Variants in OTUD4 observed in about 807,000 individuals in gnomAD.
OTUD4 encodes the protein OTU deubiquitinase 4.
A neutral mutation model predicts 130.4 loss-of-function variants in OTUD4; 24 were observed. The ratio of observed to expected loss-of-function variants is 0.18; its 90% confidence interval spans 0.13 to 0.26. OTUD4 has a LOEUF of 0.26. Ranked by LOEUF, OTUD4 falls within the 10% of genes least tolerant of loss-of-function variation. The pLI is 1.00. For synonymous variants in OTUD4, 420 were observed against 472.5 expected, an observed-to-expected ratio of 0.89 and a Z score of 1.44; for missense variants, 1,031 against 1,329.4, an observed-to-expected ratio of 0.78 and a Z score of 3.49.
Position 145,139,975 on chromosome 4 carries a change from T to A in OTUD4, c.2100A>T (p.Arg700=). ...CCTTCACACCAAGATTGAAGAAGAA[T>A]CGAAGAATATTCTTATCTAAAAATA... ...EDLPKDKNIL[R]FFFNLGVKAY... The change falls in exon 20 of 21, where the codon CGA becomes CGT. Residue 700 remains arginine, a synonymous_variant. Coordinates refer to ENST00000447906, the MANE Select transcript of OTUD4 (RefSeq NM_001366057.1). The A allele has an allele frequency of 1.2e-6, 1 of 820,614 alleles. No homozygotes were observed. Among genetic ancestry groups the A allele is most frequent in the African/African-American group, 1.7e-5 (1 of 57,490 alleles). 50.8% of individuals were successfully genotyped at this position (820,614 alleles called of 1,614,324 possible). A position where few individuals can be genotyped will look rare whatever the true frequency, so the allele number is the denominator to read the frequency against.
rs555856933 is a variant in OTUD4, at chr4:145,140,585, T to G, written c.2084-594A>C. Reference sequence around the variant, plus strand: ...GAGGGAGGTGTAAATTCCTTAAAAATAAAGAGGGAAAGCAAACTTTGAAAG... The same window carrying G: ...GAGGGAGGTGTAAATTCCTTAAAAAGAAAGAGGGAAAGCAAACTTTGAAAG... On this transcript the variant is annotated intron_variant, in intron 19 of 20. Transcript: ENST00000447906. 2.0e-5 allele frequency among the ~76,000 whole-genome samples: 3 copies of G among 152,126 alleles called. No individual in the cohort carries two copies. The East Asian group carries it at 5.8e-4, about 29-fold the overall frequency.
intron 13 of OTUD4, among the ~76,000 whole-genome samples, chr4:145,146,986 G>A (rs1222379842): frequency 1.3e-5 from 2 of 152,088 alleles, no homozygotes; most frequent in Admixed American, 1.3e-4. Flanking sequence ...GATACCAATT[G>A]CATAGATAAG....
At chr4:145,165,317 G>T (rs750798840) in intron 3 of OTUD4, 120 bp from the exon 4 acceptor site, 1 of 578,574 alleles carries the variant, frequency 1.7e-6, no homozygotes, top group Non-Finnish European at 3.1e-6. Flanking sequence ...ATTATTATTA[G>T]TAGTATTGTG....
intron 3 of OTUD4, among the ~76,000 whole-genome samples, chr4:145,167,425 A>T (rs1379808403): frequency 6.6e-6 from 1 of 152,210 alleles, no homozygotes; most frequent in African/African-American, 2.4e-5. Flanking sequence ...TCAGCCTAAC[A>T]ATCATGGCTT....
chr4:145,178,541 G>C (rs1177159038), intron 1 of OTUD4: 1 of 148,250 alleles, frequency 6.7e-6, no homozygotes, highest in African/African-American at 2.6e-5. Context: ...CGGAGGCAGT[G>C]GGTGGCTGTG....
intron 7 of OTUD4, among the ~76,000 whole-genome samples, chr4:145,158,123 GA>G (rs1751382338): frequency 6.6e-6 from 1 of 152,188 alleles, no homozygotes; most frequent in Non-Finnish European, 1.5e-5. Flanking sequence ...AAGTTAGAAA[GA>G]AATGGTGGCC....
intron 14 of OTUD4, among the ~76,000 whole-genome samples, chr4:145,145,873 C>G (rs1750794284): frequency 6.6e-6 from 1 of 152,238 alleles, no homozygotes; most frequent in Non-Finnish European, 1.5e-5. Context: ...CCACCTCCAA[C>G]AGCAAACACC....
intron 1 of OTUD4, 191 bp downstream of exon 1, chr4:145,179,624 G>C: frequency 1.4e-6 from 2 of 1,389,602 alleles, no homozygotes; most frequent in Non-Finnish European, 1.9e-6. Flanking sequence ...GGGCTTTCGA[G>C]TTTCAATTTG....
At chr4:145,178,551 G>C (rs1158546464) in intron 1 of OTUD4, 1 of 142,366 alleles carries the variant, frequency 7.0e-6, no homozygotes, top group Non-Finnish European at 1.5e-5. Context: ...GGGTGGCTGT[G>C]AACATACCCC....
At chr4:145,158,620 A>C (rs1434718549) in intron 7 of OTUD4, among the ~76,000 whole-genome samples, 2 of 152,224 alleles carry the variant, frequency 1.3e-5, no homozygotes, top group African/African-American at 4.8e-5. Context: ...AGTGTCACAG[A>C]GTGTAACATA....
At position 145,150,669 on chromosome 4, in the gene OTUD4, C is replaced by A. The variant is rs138129794; in HGVS notation, c.1103G>T (p.Ser368Ile). 22 of 1,609,412 alleles carry A rather than the reference C, an allele frequency of 1.4e-5. No homozygotes were observed. Among genetic ancestry groups the A allele is most frequent in the Admixed American group, 6.7e-5 (4 of 59,898 alleles). The change falls in exon 13 of 21, where the codon AGC becomes ATC. Residue 368 changes from serine to isoleucine, a missense_variant. Coordinates refer to ENST00000447906, the MANE Select transcript of OTUD4 (RefSeq NM_001366057.1). ...DVDYRGPKNP[S>I]KPIKAPSALP... ...TGCTGATGGGGCTTTTATTGGCTTG[C>A]TTGGATTCTTTGGCCCTCTGTAATC... is the stretch of plus-strand genomic sequence containing the variant.
Position 145,144,323 on chromosome 4 carries a change from G to T in OTUD4, c.1534C>A (p.Arg512=). 1 of 1,610,844 alleles carries T rather than the reference G, an allele frequency of 6.2e-7. No individual in the cohort carries two copies. The highest frequency in any genetic ancestry group is 8.5e-7 in the Non-Finnish European group (1 of 1,178,924). Residue 512 remains arginine (R), a synonymous_variant, in exon 15 of 21, where the codon CGA becomes AGA. Transcript: ENST00000447906. Reference sequence around the variant, plus strand: ...TGAGATAACTTACCTTTGTCTTTTCGTTCTTCTGTATCCATTCTCCGCCTG... The same window carrying T: ...TGAGATAACTTACCTTTGTCTTTTCTTTCTTCTGTATCCATTCTCCGCCTG... ...GSRRRMDTEE[R]KDKDSIHGHS... is the part of the protein sequence containing the mutation.
At chr4:145,166,378 A>T (rs1221812127) in intron 3 of OTUD4, among the ~76,000 whole-genome samples, 1 of 152,188 alleles carries the variant, frequency 6.6e-6, no homozygotes, top group Non-Finnish European at 1.5e-5. Context: ...CAAAATTTAA[A>T]ATGTCCCATA....
intron 1 of OTUD4, among the ~76,000 whole-genome samples, chr4:145,177,771 ACTC>A (rs1009124213): frequency 4.0e-4 from 61 of 152,252 alleles, no homozygotes; most frequent in African/African-American, 1.4e-3. Context: ...CAAAATCCTA[ACTC>A]GAGTCTCCTC....
At chr4:145,162,793 C>T (rs1751645053) in intron 5 of OTUD4, 72 bp from the exon 6 acceptor site, 1 of 688,260 alleles carries the variant, frequency 1.5e-6, no homozygotes, top group South Asian at 2.0e-5. Context: ...TGTATGTCTC[C>T]AATGCCTCTG....
intron 14 of OTUD4, among the ~76,000 whole-genome samples, chr4:145,145,693 C>T (rs1750787133): frequency 6.6e-6 from 1 of 152,162 alleles, no homozygotes; most frequent in African/African-American, 2.4e-5. Context: ...ACAAACCCAC[C>T]TCACAGAGCA....
At position 145,159,675 on chromosome 4, in the gene OTUD4, A is replaced by G. The variant is rs144078761; in HGVS notation, c.497-40T>C. 79 of 1,602,390 alleles carry G rather than the reference A, an allele frequency of 4.9e-5. No homozygotes were observed. The East Asian group carries it at 1.8e-3, about 36-fold the overall frequency. ...AGACAGATTTTCCAACATTAACTAC[A>G]GGCAGTTTTTTAAAAACAGGAACAG... On this transcript the variant is annotated intron_variant, in intron 6 of 20. Coordinates refer to ENST00000447906, the MANE Select transcript of OTUD4 (RefSeq NM_001366057.1).
intron 19 of OTUD4, among the ~76,000 whole-genome samples, chr4:145,141,143 C>A (rs1395634968): frequency 7.1e-6 from 1 of 140,214 alleles, no homozygotes; most frequent in Non-Finnish European, 1.5e-5. Context: ...CACTCCAGCC[C>A]GGGTGACAGA....
chr4:145,173,416 T>TA (rs71590491), intron 2 of OTUD4, among the ~76,000 whole-genome samples: 2 of 151,498 alleles, frequency 1.3e-5, no homozygotes, highest in Non-Finnish European at 2.9e-5. Flanking sequence ...TTATATGGAC[T>TA]AAAAAAAATA....
Sources: gnomAD v4.1 joint callset for allele counts (sites outside exome capture counted in the v4.1 genomes callset) on GRCh38, gnomAD v4.1.1 for gene constraint, MANE v1.5 for transcripts, NCBI Gene and HGNC (gene_info 2026-07-23, HGNC 2026-07-21) for gene names.